Variants in GPATCH8 observed in about 807,000 individuals in gnomAD.
GPATCH8 encodes G patch domain-containing protein 8.
A neutral mutation model predicts 118.3 loss-of-function variants in GPATCH8; 18 were observed. The observed-to-expected ratio is 0.15, with a 90% CI of 0.11 to 0.23. The LOEUF (loss-of-function observed/expected upper bound fraction) is 0.23, where lower values mean the gene tolerates loss of function less well. GPATCH8 is among the 10% of genes least tolerant of loss of function. GPATCH8 has a pLI of 1.00. For missense variants in GPATCH8, 1,631 were observed against 1,873.8 expected (o/e 0.87, Z 2.39); for synonymous variants, 659 against 684.7 (o/e 0.96, Z 0.59).
rs1213882681 is a variant in GPATCH8 at position 44,503,374 on chromosome 17, G to C, written c.-4C>G. 2 of 1,607,838 alleles carry C rather than the reference G, an allele frequency of 1.2e-6. No individual in the cohort carries two copies. Among genetic ancestry groups the C allele is most frequent in the African/African-American group, 2.7e-5 (2 of 74,746 alleles). ...AGCGGGAGAAGCGGTCCGCCATTTTGCCGCCTTCACTCCTCTCAGGACGAC... is the reference window on the plus strand; with the variant it reads ...AGCGGGAGAAGCGGTCCGCCATTTTCCCGCCTTCACTCCTCTCAGGACGAC... On this transcript the variant is annotated 5_prime_UTR_variant, in exon 1 of 8. Transcript: ENST00000591680.
chr17:44,423,612 C>T (rs2049990862), intron 6 of GPATCH8, among the ~76,000 whole-genome samples: 1 of 152,162 alleles, frequency 6.6e-6, no homozygotes, highest in African/African-American at 2.4e-5. Flanking sequence ...CACCCAAGAT[C>T]AAATGGCTTG....
chr17:44,472,379 T>C (rs1236503099), intron 2 of GPATCH8, among the ~76,000 whole-genome samples: 3 of 152,214 alleles, frequency 2.0e-5, no homozygotes, highest in Non-Finnish European at 4.4e-5. Flanking sequence ...CTGGACATTA[T>C]GAGAGGTAAA....
intron 3 of GPATCH8, among the ~76,000 whole-genome samples, chr17:44,442,122 TAGAG>T (rs1369615165): frequency 0.016 from 2,066 of 128,952 alleles, 53 homozygotes; most frequent in African/African-American, 0.059. Flanking sequence ...TATATATATA[TAGAG>T]AGAGAGAGAG....
intron 6 of GPATCH8, among the ~76,000 whole-genome samples, chr17:44,415,729 T>G (rs970623255): frequency 6.6e-6 from 1 of 152,190 alleles, no homozygotes; most frequent in African/African-American, 2.4e-5. Flanking sequence ...CTGACTACAA[T>G]AGAACAAAGA....
chr17:44,399,254 C>T lies in GPATCH8; in HGVS notation c.2823G>A (p.Gln941=). 6.2e-7 allele frequency: 1 copy of T among 1,614,080 alleles called. No individual in the cohort carries two copies. Among genetic ancestry groups the T allele is most frequent in the African/African-American group, 1.3e-5 (1 of 75,018 alleles). ...TATGACTCCGAGATCGGCTTCGGGA[C>T]TGGCTGCAACTGAGGCTATAGTCAT... ...SDDDYSLSCS[Q]SRSRSRSHTR... Residue 941 remains glutamine (Q), a synonymous_variant, in exon 8 of 8, where the codon CAG becomes CAA. Transcript: ENST00000591680.
In GPATCH8 at chr17:44,458,009, C is replaced by T. The variant is rs185063714; in HGVS notation, c.193+6463G>A. On this transcript the variant is annotated intron_variant, in intron 3 of 7. Transcript: ENST00000591680. ...CTGAGGCAGGAGAATGGCGTGAACCCGGGAGGTGGAGCTTGCAGTGAGCCG... is the reference window on the plus strand; with the variant it reads ...CTGAGGCAGGAGAATGGCGTGAACCTGGGAGGTGGAGCTTGCAGTGAGCCG... Among the ~76,000 whole-genome samples, 743 of 151,420 alleles carry T rather than the reference C, an allele frequency of 4.9e-3. 4 individuals are homozygous for T. Among genetic ancestry groups the T allele is most frequent in the Non-Finnish European group, 7.0e-3 (472 of 67,888 alleles).
At chr17:44,402,987 T>C (rs192707065) in intron 7 of GPATCH8, among the ~76,000 whole-genome samples, 5 of 152,216 alleles carry the variant, frequency 3.3e-5, no homozygotes, top group Admixed American at 2.6e-4. Context: ...GGCATGATCA[T>C]AGCTCATTGC....
intron 7 of GPATCH8, 85 bp from the exon 8 acceptor site, chr17:44,401,538 A>T: frequency 1.1e-6 from 1 of 878,542 alleles, no homozygotes; most frequent in Non-Finnish European, 2.0e-6. Context: ...AATCTCTTAT[A>T]TCCTATCATT....
chr17:44,464,413 A>G (rs1404562580), intron 3 of GPATCH8, 59 bp downstream of exon 3: 2 of 980,046 alleles, frequency 2.0e-6, no homozygotes, highest in Admixed American at 1.7e-5. Context: ...ACATTCAGGT[A>G]CAAGATCTGC....
At chr17:44,405,818 CTTAAATCTTAAT>C (rs2049199512) in intron 7 of GPATCH8, 91 bp downstream of exon 7, 2 of 979,494 alleles carry the variant, frequency 2.0e-6, no homozygotes, top group Non-Finnish European at 3.1e-6. Context: ...GTTTTTAATT[CTTAAATCTTAAT>C]TTAAATCTTA....
intron 2 of GPATCH8, among the ~76,000 whole-genome samples, chr17:44,473,129 C>G (rs944931304): frequency 1.3e-5 from 2 of 151,504 alleles, no homozygotes; most frequent in Non-Finnish European, 2.9e-5. Flanking sequence ...AAGGCACAAA[C>G]CAGTGATTTT....
At chr17:44,406,161 G>T in intron 6 of GPATCH8, 110 bp from the exon 7 acceptor site, 1 of 816,554 alleles carries the variant, frequency 1.2e-6, no homozygotes, top group Non-Finnish European at 2.2e-6. Flanking sequence ...TGGTATTAGT[G>T]TTGAACACAT....
chr17:44,400,881 G>C lies in GPATCH8; in HGVS notation c.1196C>G (p.Pro399Arg). ...ATTAGGTTTTACTTTGCAGTGTGCT[G>C]GGGGGATGTAGTGGTAATACTCAGG... Reference protein sequence around the residue: ...TEPEYYHYIPPAHCKVKPNFP... With the variant: ...TEPEYYHYIPRAHCKVKPNFP... Residue 399 changes from proline to arginine, a missense_variant, in exon 8 of 8, where the codon CCA becomes CGA. Transcript: ENST00000591680. 1 of 1,613,318 alleles carries C rather than the reference G, an allele frequency of 6.2e-7. No individual in the cohort carries two copies. Among genetic ancestry groups the C allele is most frequent in the Non-Finnish European group, 8.5e-7 (1 of 1,179,248 alleles).
At chr17:44,450,388 T>G (rs1043921281) in intron 3 of GPATCH8, among the ~76,000 whole-genome samples, 8 of 152,202 alleles carry the variant, frequency 5.3e-5, no homozygotes, top group African/African-American at 1.9e-4. Context: ...CCACTTGCTA[T>G]TGTCTCACAC....
chr17:44,420,457 C>T (rs550442902), intron 6 of GPATCH8, among the ~76,000 whole-genome samples: 142 of 152,316 alleles, frequency 9.3e-4, no homozygotes, highest in Non-Finnish European at 1.7e-3. Flanking sequence ...AGGAGCTTTT[C>T]TGTGCATTGT....
chr17:44,465,656 A>G (rs1461890753), intron 2 of GPATCH8: 1 of 152,226 alleles, frequency 6.6e-6, no homozygotes, highest in Admixed American at 6.5e-5. Flanking sequence ...AGAAAAGATT[A>G]AAAGTCACAA....
intron 2 of GPATCH8, among the ~76,000 whole-genome samples, chr17:44,471,910 CTTAAAATTTTACT>C (rs1967309919): frequency 6.8e-6 from 1 of 147,934 alleles, no homozygotes; most frequent in African/African-American, 2.5e-5. Flanking sequence ...GAGAAAAACA[CTTAAAATTTTACT>C]CACAAATGAT....
chr17:44,417,122 C>A (rs2049715730), intron 6 of GPATCH8, among the ~76,000 whole-genome samples: 1 of 151,992 alleles, frequency 6.6e-6, no homozygotes, highest in African/African-American at 2.4e-5. Context: ...ATGTCCACCT[C>A]CTGGGCTCAA....
intron 1 of GPATCH8, among the ~76,000 whole-genome samples, chr17:44,485,286 AT>A (rs901096670): frequency 3.3e-5 from 5 of 151,762 alleles, no homozygotes; most frequent in East Asian, 1.9e-4. Flanking sequence ...TCATTTAAAA[AT>A]TTTTTTTTGT....
Sources: allele counts gnomAD v4.1 joint callset (sites outside exome capture counted in the v4.1 genomes callset), GRCh38; gene constraint gnomAD v4.1.1; transcripts MANE v1.5; gene names NCBI Gene and HGNC (gene_info 2026-07-23, HGNC 2026-07-21).